SH3RF2: variants seen among roughly 807,000 people sequenced by gnomAD.
SH3RF2 encodes SH3 domain containing ring finger 2.
SH3RF2 carries 43 observed loss-of-function variants against 59.0 expected under a neutral mutation model. The ratio of observed to expected loss-of-function variants is 0.73; its 90% CI spans 0.57 to 0.94. The LOEUF (loss-of-function observed/expected upper bound fraction) is 0.94, where lower values mean the gene tolerates loss of function less well. Among genes scored for constraint, SH3RF2 ranks in the 40% least tolerant of loss-of-function variants. SH3RF2 has a pLI of 0.00. For synonymous variants in SH3RF2, 391 were observed against 391.5 expected (o/e 1.00, Z 0.01); for missense variants, 930 against 940.1 (o/e 0.99, Z 0.14).
Position 146,014,081 on chromosome 5 carries a change from G to C in SH3RF2, c.1059+20G>C, listed in dbSNP as rs765999980. On this transcript the variant is annotated intron_variant, in intron 5 of 9. Coordinates refer to ENST00000359120, the MANE Select transcript of SH3RF2 (RefSeq NM_152550.4). ...GGACAGGTAGGGAAGAAACGCCTGG[G>C]ATGAGGGCACTTTGGAGTTGGGCAA... 9 of 1,607,536 alleles carry C rather than the reference G, an allele frequency of 5.6e-6. No individual in the cohort carries two copies. The East Asian group carries it at 8.9e-5, about 16-fold the overall frequency.
Position 146,013,858 on chromosome 5 carries a change from C to T in SH3RF2, c.856C>T (p.Arg286Cys), listed in dbSNP as rs759434705. The T allele has an allele frequency of 1.8e-5, 29 of 1,614,052 alleles. No individual in the cohort carries two copies. In the Middle Eastern group the frequency reaches 6.6e-4, roughly 37 times the overall value. Residue 286 changes from arginine to cysteine, a missense_variant, in exon 5 of 10, where the codon CGT becomes TGT. Coordinates refer to ENST00000359120, the MANE Select transcript of SH3RF2 (RefSeq NM_152550.4). The part of the protein sequence containing the change: ...SSSRGNTSTL[R>C]RGPGSRRKVP... ...CTCCAGAGGCAACACGTCTACCCTCCGTAGGGGCCCAGGGTCCAGGAGGAA... is the reference window on the plus strand; with the variant it reads ...CTCCAGAGGCAACACGTCTACCCTCTGTAGGGGCCCAGGGTCCAGGAGGAA...
At chr5:146,013,447 AAAGG>A (rs1392228521) in intron 4 of SH3RF2, among the ~76,000 whole-genome samples, 1 of 152,232 alleles carries the variant, frequency 6.6e-6, no homozygotes, top group African/African-American at 2.4e-5. Context: ...GAAAATGGGT[AAAGG>A]AAGAATACTC....
At position 145,956,915 on chromosome 5, in the gene SH3RF2, C is replaced by T. The variant is rs190762963; in HGVS notation, c.378+18609C>T. ...TGGGTTATTCCTGCTCCAGATCTTA[C>T]TGGAGAAGAAGGTTGTGCTAGAATT... On this transcript the variant is annotated intron_variant, in intron 2 of 9. Transcript: ENST00000359120. Among the ~76,000 whole-genome samples the T allele has an allele frequency of 7.2e-5, 11 of 152,336 alleles. No homozygotes were observed. In the East Asian group the frequency reaches 2.1e-3, roughly 29 times the overall value.
chr5:146,075,778 T>TAAAAAAAAAAA lies in SH3RF2; in HGVS notation c.*34-2663_*34-2653dup, dbSNP rs56300547. On this transcript the variant is annotated intron_variant, in intron 9 of 9. Coordinates refer to the SH3RF2 transcript ENST00000511217. ...TTGGGCACAATGGCGAAATTCCATG[T>TAAAAAAAAAAA]AAAAAAAAAAAAAAAAAAAAAAAAA... Among the ~76,000 whole-genome samples the TAAAAAAAAAAA allele has an allele frequency of 1.5e-3, 113 of 76,940 alleles. 2 individuals are homozygous for TAAAAAAAAAAA. Among genetic ancestry groups the TAAAAAAAAAAA allele is most frequent in the African/African-American group, 4.9e-3 (106 of 21,796 alleles). The allele number at this position is 76,940 out of a possible 152,430, so 50.5% of individuals were successfully genotyped here.
chr5:146,064,807 GGAAAGAAA>G (rs1216580727), downstream of SH3RF2, among the ~76,000 whole-genome samples: 9 of 18,338 alleles, frequency 4.9e-4, no homozygotes, highest in African/African-American at 1.2e-3. Flanking sequence ...AAGGAAGGAA[GGAAAGAAA>G]GAAAGAAAGA....
chr5:146,078,720 G>A (rs1763378201), exon 10 of SH3RF2: 1 of 152,228 alleles, frequency 6.6e-6, no homozygotes, highest in African/African-American at 2.4e-5. Flanking sequence ...GTCATGTGCT[G>A]CTACAGGTTA....
rs764801395 is a variant in SH3RF2, at chr5:146,014,002, C to A, written c.1000C>A (p.Pro334Thr). 6.8e-6 allele frequency: 11 copies of A among 1,613,976 alleles called. No individual in the cohort carries two copies. In the Admixed American group the frequency reaches 1.2e-4, roughly 17 times the overall value. ...STPVLISSSNPSVITQPMEKA... is the reference protein window; with the variant it reads ...STPVLISSSNTSVITQPMEKA... Reference sequence around the variant, plus strand: ...CCCAGTGCTCATCAGCTCCAGCAACCCCTCTGTGATCACCCAGCCCATGGA... The same window carrying A: ...CCCAGTGCTCATCAGCTCCAGCAACACCTCTGTGATCACCCAGCCCATGGA... Residue 334 changes from proline to threonine, a missense_variant, in exon 5 of 10, where the codon CCC (proline) becomes ACC (threonine). Transcript: ENST00000359120.
Position 146,062,705 on chromosome 5 carries a change from T to G in SH3RF2, c.*4T>G. The G allele has an allele frequency of 6.2e-7, 1 of 1,609,856 alleles. No individual in the cohort carries two copies. Among genetic ancestry groups the G allele is most frequent in the Non-Finnish European group, 8.5e-7 (1 of 1,176,756 alleles). ...GACCGTGTTTCCCAGCAAATGAACC[T>G]ACGGGTGGCTTTTCCTAGACCCCAA... On this transcript the variant is annotated 3_prime_UTR_variant, in exon 10 of 10. Coordinates refer to ENST00000359120, the MANE Select transcript of SH3RF2 (RefSeq NM_152550.4).
At chr5:146,076,617 C>T (rs1280722680) in intron 9 of SH3RF2, among the ~76,000 whole-genome samples, 1 of 152,200 alleles carries the variant, frequency 6.6e-6, no homozygotes, top group African/African-American at 2.4e-5. Context: ...AAAGCAGCCA[C>T]CTGGAGCCTC....
At chr5:146,035,745 C>T (rs1185638442) in intron 5 of SH3RF2, among the ~76,000 whole-genome samples, 2 of 152,180 alleles carry the variant, frequency 1.3e-5, no homozygotes, top group Non-Finnish European at 1.5e-5. Flanking sequence ...TCCTTCAGTC[C>T]ATACGAGAGG....
At chr5:146,051,607 C>T (rs577634765) in intron 7 of SH3RF2, among the ~76,000 whole-genome samples, 1 of 152,010 alleles carries the variant, frequency 6.6e-6, no homozygotes, top group Non-Finnish European at 1.5e-5. Context: ...TGAGTGACTG[C>T]AAGATGGAGT....
chr5:146,039,610 G>T (rs1230029902), intron 5 of SH3RF2, among the ~76,000 whole-genome samples: 10 of 152,190 alleles, frequency 6.6e-5, no homozygotes, highest in Admixed American at 6.5e-4. Context: ...CCACATGCTG[G>T]TGAGACTGTG....
chr5:146,024,932 G>A (rs1761473698), intron 5 of SH3RF2, among the ~76,000 whole-genome samples: 1 of 152,186 alleles, frequency 6.6e-6, no homozygotes, highest in Non-Finnish European at 1.5e-5. Flanking sequence ...TTCTATTCAA[G>A]TGTCAGCCTG....
intron 5 of SH3RF2, among the ~76,000 whole-genome samples, chr5:146,015,861 A>T (rs77049027): frequency 3.3e-5 from 5 of 152,220 alleles, no homozygotes; most frequent in African/African-American, 1.2e-4. Context: ...ATGGCTGTGG[A>T]TTATAAGTAT....
At chr5:145,990,073 A>T (rs1759876786) in intron 2 of SH3RF2, among the ~76,000 whole-genome samples, 1 of 152,212 alleles carries the variant, frequency 6.6e-6, no homozygotes, top group Admixed American at 6.5e-5. Context: ...TTAAGTAATC[A>T]ACAGTAAATT....
At chr5:146,024,399 G>T (rs550940062) in intron 5 of SH3RF2, among the ~76,000 whole-genome samples, 1 of 152,088 alleles carries the variant, frequency 6.6e-6, no homozygotes, top group African/African-American at 2.4e-5. Flanking sequence ...TATATCCTTT[G>T]CCCATTTTAT....
intron 2 of SH3RF2, among the ~76,000 whole-genome samples, chr5:145,945,628 G>GGATA (rs1309259505): frequency 3.9e-5 from 6 of 152,118 alleles, no homozygotes; most frequent in African/African-American, 1.4e-4. Context: ...AGAAAAGGCA[G>GGATA]GATAGGGCAG....
intron 6 of SH3RF2, among the ~76,000 whole-genome samples, chr5:146,048,604 G>A (rs1762385710): frequency 6.6e-6 from 1 of 152,220 alleles, no homozygotes; most frequent in African/African-American, 2.4e-5. Context: ...ATGTCTCACA[G>A]TCCTTGGAGT....
chr5:145,961,174 C>CTTTTTTT (rs869156939), intron 2 of SH3RF2, among the ~76,000 whole-genome samples: 13 of 90,972 alleles, frequency 1.4e-4, no homozygotes, highest in African/African-American at 3.2e-4. Context: ...CTGCATCCTC[C>CTTTTTTT]TTTTTTTTTT....
Sources: allele counts gnomAD v4.1 joint callset (sites outside exome capture counted in the v4.1 genomes callset), GRCh38; gene constraint gnomAD v4.1.1; transcripts MANE v1.5; gene names NCBI Gene and HGNC (gene_info 2026-07-23, HGNC 2026-07-21).